Variants in WWOX observed in about 807,000 individuals in gnomAD.
WWOX encodes the protein WW domain-containing oxidoreductase.
In WWOX, 69 loss-of-function variants were observed where a neutral mutation model predicts 46.2. That is an observed-to-expected ratio of 1.49 (90% CI 1.23 to 1.82). The LOEUF is 1.82. WWOX is among the 40% of genes most tolerant of loss of function. The pLI is 0.00. For missense variants in WWOX, 919 were observed against 542.6 expected, an observed-to-expected ratio of 1.69 and a Z score of -6.89; for synonymous variants, 359 against 202.6, an observed-to-expected ratio of 1.77 and a Z score of -6.56.
At chr16:78,677,805 G>A (rs957502894) in intron 8 of WWOX, among the ~76,000 whole-genome samples, 1 of 152,174 alleles carries the variant, frequency 6.6e-6, no homozygotes, top group African/African-American at 2.4e-5. Context: ...GGTGGTCAGT[G>A]ACATCACATT....
chr16:78,913,635 C>A (rs1040671122), intron 8 of WWOX, among the ~76,000 whole-genome samples: 1 of 148,112 alleles, frequency 6.8e-6, no homozygotes, highest in African/African-American at 2.4e-5. Context: ...TTACCCCAAC[C>A]AATACCTGTG....
At chr16:78,197,629 TAAGG>T (rs1223955448) in intron 5 of WWOX, among the ~76,000 whole-genome samples, 1 of 152,228 alleles carries the variant, frequency 6.6e-6, no homozygotes, top group Non-Finnish European at 1.5e-5. Flanking sequence ...GTTTTCATCC[TAAGG>T]AGAGGGGGAG....
At chr16:78,735,967 A>G (rs547627664) in intron 8 of WWOX, among the ~76,000 whole-genome samples, 11 of 151,806 alleles carry the variant, frequency 7.2e-5, no homozygotes, top group Non-Finnish European at 1.2e-4. Context: ...CTGTGAGAAA[A>G]CTAGTGTGCC....
chr16:78,514,171 C>T (rs1278486530), intron 8 of WWOX, among the ~76,000 whole-genome samples: 5 of 152,200 alleles, frequency 3.3e-5, no homozygotes, highest in Admixed American at 6.5e-5. Flanking sequence ...TAGAGAGTGA[C>T]TTTCAGATAC....
rs557916068 is a variant in WWOX, at chr16:78,154,485, C to CTT, written c.410-9674_410-9673dup. ...ACAGAGTTGCTCCCCAATCCTTGAT[C>CTT]TTTTTTTTTTTTTTTTTTTTTTTTT... On this transcript the variant is annotated intron_variant, in intron 4 of 8. Transcript: ENST00000566780. Among the ~76,000 whole-genome samples the CTT allele has an allele frequency of 8.0e-4, 62 of 77,822 alleles. 1 individual carries two copies. Among genetic ancestry groups the CTT allele is most frequent in the South Asian group, 1.2e-3 (2 of 1,668 alleles). The allele number at this position is 77,822 out of a possible 152,430, so 51.1% of individuals were successfully genotyped here.
intron 5 of WWOX, among the ~76,000 whole-genome samples, chr16:78,315,285 T>G (rs1055449475): frequency 2.0e-5 from 3 of 151,950 alleles, no homozygotes; most frequent in South Asian, 2.1e-4. Flanking sequence ...AGTGAAACTG[T>G]TTTTTTTCCT....
chr16:78,922,488 C>T (rs754161834), intron 8 of WWOX, among the ~76,000 whole-genome samples: 10 of 151,400 alleles, frequency 6.6e-5, no homozygotes, highest in South Asian at 4.2e-4. Context: ...AAGCGATTCT[C>T]GTGCCTCAGC....
intron 8 of WWOX, among the ~76,000 whole-genome samples, chr16:78,642,383 C>G (rs1422908105): frequency 1.3e-5 from 2 of 152,230 alleles, no homozygotes; most frequent in South Asian, 4.1e-4. Flanking sequence ...GCTGACTTTC[C>G]TTTTTTGCTC....
At chr16:78,771,925 C>T (rs2050074564) in intron 8 of WWOX, among the ~76,000 whole-genome samples, 2 of 151,948 alleles carry the variant, frequency 1.3e-5, no homozygotes, top group African/African-American at 4.8e-5. Flanking sequence ...CAATAAAAAC[C>T]ATTTTTTTGA....
At chr16:78,313,093 C>T (rs1287545613) in intron 5 of WWOX, among the ~76,000 whole-genome samples, 1 of 152,202 alleles carries the variant, frequency 6.6e-6, no homozygotes, top group Non-Finnish European at 1.5e-5. Flanking sequence ...GTACCTATAA[C>T]ATCTAAAGAA....
At chr16:78,951,876 A>G (rs956892899) in intron 8 of WWOX, among the ~76,000 whole-genome samples, 1 of 152,158 alleles carries the variant, frequency 6.6e-6, no homozygotes, top group Non-Finnish European at 1.5e-5. Context: ...AACACTCTTC[A>G]ATGGATGTGG....
chr16:78,895,213 AC>A (rs1479446750), intron 8 of WWOX: 2 of 152,232 alleles, frequency 1.3e-5, no homozygotes, highest in African/African-American at 4.8e-5. Context: ...ATCTGGGCTT[AC>A]CCAGTTAACA....
intron 8 of WWOX, among the ~76,000 whole-genome samples, chr16:78,520,338 T>G (rs1248422295): frequency 6.6e-6 from 1 of 152,182 alleles, no homozygotes; most frequent in South Asian, 2.1e-4. Flanking sequence ...ATACGCACAT[T>G]AGAAGGAGTA....
intron 5 of WWOX, among the ~76,000 whole-genome samples, chr16:78,282,994 G>C (rs551277758): frequency 2.6e-5 from 4 of 152,088 alleles, no homozygotes; most frequent in Non-Finnish European, 4.4e-5. Flanking sequence ...TTGTACAGCA[G>C]AGTTGGTCCT....
At chr16:78,618,397 G>A (rs1042691443) in intron 8 of WWOX, among the ~76,000 whole-genome samples, 1 of 152,168 alleles carries the variant, frequency 6.6e-6, no homozygotes, top group Non-Finnish European at 1.5e-5. Flanking sequence ...GTTTCTCTCT[G>A]TACCATTGTC....
At position 78,432,735 on chromosome 16, in the gene WWOX, C is replaced by G. The variant is rs200699154; in HGVS notation, c.1039C>G (p.Pro347Ala). ...VYTLLFTLAR[P>A]FTKSMQQGAA... ...CACACTGCTGTTTACCTTGGCGAGG[C>G]CTTTCACCAAGTCCATGGTAAGAGA... is the stretch of plus-strand genomic sequence containing the variant. The change falls in exon 8 of 9, where the codon CCT (proline) becomes GCT (alanine). Residue 347 changes from proline to alanine, a missense_variant. Transcript: ENST00000566780. 7 of 1,614,056 alleles carry G rather than the reference C, an allele frequency of 4.3e-6. No homozygotes were observed. The highest frequency in any genetic ancestry group is 1.3e-5 in the African/African-American group (1 of 74,920).
In WWOX at chr16:78,853,649, G is replaced by A. The variant is rs181922049; in HGVS notation, c.1057-357959G>A. 1.1e-3 allele frequency among the ~76,000 whole-genome samples: 163 copies of A among 152,210 alleles called. 1 individual carries two copies. Among genetic ancestry groups the A allele is most frequent in the Admixed American group, 1.7e-3 (26 of 15,290 alleles). ...TGTAGTACTTCGCCTTTCCCTGGGTGGAGAAGAGGGGCGGATAAATACTTC... is the reference window on the plus strand; with the variant it reads ...TGTAGTACTTCGCCTTTCCCTGGGTAGAGAAGAGGGGCGGATAAATACTTC... On this transcript the variant is annotated intron_variant, in intron 8 of 8. Coordinates refer to ENST00000566780, the MANE Select transcript of WWOX (RefSeq NM_016373.4).
At chr16:78,533,563 G>C (rs750599591) in intron 8 of WWOX, among the ~76,000 whole-genome samples, 8 of 152,178 alleles carry the variant, frequency 5.3e-5, no homozygotes, top group Non-Finnish European at 1.0e-4. Flanking sequence ...AGAGGGGCTT[G>C]AGCATTTGAA....
chr16:79,120,097 A>T (rs1597392173), intron 8 of WWOX, among the ~76,000 whole-genome samples: 1 of 152,128 alleles, frequency 6.6e-6, no homozygotes, highest in African/African-American at 2.4e-5. Flanking sequence ...ATTTTCACTT[A>T]ACATCCTGCC....
Sources: gnomAD v4.1 joint callset for allele counts (sites outside exome capture counted in the v4.1 genomes callset) on GRCh38, gnomAD v4.1.1 for gene constraint, MANE v1.5 for transcripts, NCBI Gene and HGNC (gene_info 2026-07-23, HGNC 2026-07-21) for gene names.